The following YME1L1 variants were observed in gnomAD, a reference collection of about 807,000 sequenced individuals.
YME1L1 encodes the protein YME1 like 1 ATPase.
YME1L1 carries 39 observed loss-of-function variants against 90.4 expected under a neutral mutation model. The observed-to-expected ratio is 0.43, with a 90% confidence interval of 0.33 to 0.56. The LOEUF (loss-of-function observed/expected upper bound fraction) is 0.56. Ranked by LOEUF, YME1L1 falls within the 20% of genes least tolerant of loss-of-function variation. The probability of loss-of-function intolerance (pLI) is 0.03; values close to 1 mark genes in which losing one functional copy is unlikely to be tolerated. For synonymous variants in YME1L1, 284 were observed against 287.3 expected (o/e 0.99, Z 0.12); for missense variants, 617 against 868.4 (o/e 0.71, Z 3.64).
intron 1 of YME1L1, among the ~76,000 whole-genome samples, chr10:27,152,975 C>T (rs1259143229): frequency 1.3e-5 from 2 of 152,164 alleles, no homozygotes; most frequent in Non-Finnish European, 2.9e-5. Context: ...CATAATATAT[C>T]CTTTACTCCC....
chr10:27,149,329 G>A (rs2057182231), intron 1 of YME1L1, among the ~76,000 whole-genome samples: 1 of 152,154 alleles, frequency 6.6e-6, no homozygotes, highest in Admixed American at 6.5e-5. Flanking sequence ...ACAAGTACTT[G>A]CACATGCATA....
At chr10:27,122,164 C>T (rs2056874259) in intron 11 of YME1L1, among the ~76,000 whole-genome samples, 1 of 152,186 alleles carries the variant, frequency 6.6e-6, no homozygotes, top group African/African-American at 2.4e-5. Flanking sequence ...AGCCACCATG[C>T]CCAGCTTCAT....
At chr10:27,125,554 C>T (rs1299498415) in intron 9 of YME1L1, among the ~76,000 whole-genome samples, 1 of 150,392 alleles carries the variant, frequency 6.6e-6, no homozygotes, top group Non-Finnish European at 1.5e-5. Flanking sequence ...CAGGGCAACA[C>T]TACAAAGGAT....
chr10:27,126,438 T>C (rs189092333), intron 9 of YME1L1, among the ~76,000 whole-genome samples: 4 of 152,086 alleles, frequency 2.6e-5, no homozygotes, highest in Admixed American at 2.6e-4. Context: ...TAAAAATTTG[T>C]GAGTCTAGGT....
At chr10:27,127,275 T>C (rs1032906679) in intron 8 of YME1L1, among the ~76,000 whole-genome samples, 9 of 152,218 alleles carry the variant, frequency 5.9e-5, no homozygotes, top group African/African-American at 2.2e-4. Flanking sequence ...TGAAAGTTAT[T>C]CTGATTAAAT....
chr10:27,146,036 G>T (rs12354721), intron 2 of YME1L1: 1,851 of 153,974 alleles, frequency 0.012, 22 homozygotes, highest in South Asian at 0.033. Context: ...GTAACTAACT[G>T]CAGGGTTACA....
intron 4 of YME1L1, among the ~76,000 whole-genome samples, chr10:27,141,686 T>C (rs987749509): frequency 5.3e-5 from 8 of 151,846 alleles, no homozygotes; most frequent in Non-Finnish European, 1.2e-4. Context: ...CTAATTTATC[T>C]AAAGGTTAAA....
chr10:27,120,781 C>A (rs1015929073), intron 12 of YME1L1, among the ~76,000 whole-genome samples: 1 of 152,106 alleles, frequency 6.6e-6, no homozygotes, highest in Admixed American at 6.5e-5. Context: ...GGTAGCCTAC[C>A]CCTCAGAAAC....
chr10:27,147,022 C>G (rs182660909), intron 2 of YME1L1: 1 of 219,070 alleles, frequency 4.6e-6, no homozygotes, highest in African/African-American at 2.3e-5. Context: ...ATGATCAAGG[C>G]GGCTTAGGGA....
chr10:27,113,056 C>CA (rs1477418021), intron 18 of YME1L1, among the ~76,000 whole-genome samples: 6 of 150,708 alleles, frequency 4.0e-5, no homozygotes, highest in African/African-American at 7.3e-5. Context: ...ATGCTCTCTA[C>CA]AAAAAATAAC....
At chr10:27,136,050 A>T (rs967985664) in intron 5 of YME1L1, among the ~76,000 whole-genome samples, 4 of 152,008 alleles carry the variant, frequency 2.6e-5, no homozygotes, top group African/African-American at 9.7e-5. Flanking sequence ...TACAGAGAAC[A>T]CCTCGACAGG....
chr10:27,132,775 GC>G (rs1400074849), intron 7 of YME1L1, among the ~76,000 whole-genome samples: 4 of 151,972 alleles, frequency 2.6e-5, no homozygotes, highest in Non-Finnish European at 4.4e-5. Context: ...AGCCAAGATT[GC>G]CCCACTGCAC....
At chr10:27,142,179 T>G (rs1057219946) in intron 4 of YME1L1, among the ~76,000 whole-genome samples, 1 of 152,140 alleles carries the variant, frequency 6.6e-6, no homozygotes, top group South Asian at 2.1e-4. Flanking sequence ...GTTTGATTTA[T>G]TGTGGCACTA....
At chr10:27,144,631 T>C (rs74667137) in intron 3 of YME1L1, among the ~76,000 whole-genome samples, 2,614 of 152,316 alleles carry the variant, frequency 0.017, 143 homozygotes, top group East Asian at 0.16. Context: ...ACAACTGTTT[T>C]TTTAATCAAT....
intron 18 of YME1L1, among the ~76,000 whole-genome samples, chr10:27,113,217 CTCAAAAAAAAAA>C (rs2056775619): frequency 1.6e-5 from 1 of 61,996 alleles, no homozygotes; most frequent in Non-Finnish European, 2.7e-5. Context: ...AAGATGCTGT[CTCAAAAAAAAAA>C]AAAAAAAAAA....
chr10:27,127,887 A>G (rs752190633), intron 8 of YME1L1, among the ~76,000 whole-genome samples: 1 of 152,228 alleles, frequency 6.6e-6, no homozygotes, highest in African/African-American at 2.4e-5. Context: ...CTGGTTTATT[A>G]AAAGAGAACT....
At chr10:27,120,669 G>A (rs934474372) in intron 12 of YME1L1, 122 bp from the exon 13 acceptor site, 1 of 650,708 alleles carries the variant, frequency 1.5e-6, no homozygotes, top group Non-Finnish European at 2.6e-6. Flanking sequence ...ATGGAGTTTT[G>A]TACATAAATA....
intron 4 of YME1L1, among the ~76,000 whole-genome samples, chr10:27,140,742 G>A (rs557688588): frequency 2.0e-5 from 3 of 152,316 alleles, no homozygotes; most frequent in Admixed American, 2.0e-4. Flanking sequence ...CTACCAAAGT[G>A]CTGGGATTAC....
chr10:27,148,946 T>C lies in YME1L1; in HGVS notation c.128A>G (p.His43Arg), dbSNP rs1253684258. ...CTCATGCTCAGGAACTACATCTCGA[T>C]GCTGGTTTTGAGAAACTGACACTCC... ...LSGVSVSQNQ[H>R]RDVVPEHEAP... The change falls in exon 2 of 19, where the codon CAT becomes CGT. Residue 43 changes from histidine to arginine, a missense_variant. By Grantham distance (29) the His-to-Arg change is conservative (BLOSUM62 0). Coordinates refer to ENST00000376016, the MANE Select transcript of YME1L1 (RefSeq NM_014263.4). The C allele has an allele frequency of 3.7e-6, 6 of 1,614,012 alleles. No individual in the cohort carries two copies. The Admixed American group carries it at 1.0e-4, about 27-fold the overall frequency.
Sources: gnomAD v4.1 joint callset for allele counts (sites outside exome capture counted in the v4.1 genomes callset) on GRCh38, gnomAD v4.1.1 for gene constraint, MANE v1.5 for transcripts, NCBI Gene and HGNC (gene_info 2026-07-23, HGNC 2026-07-21) for gene names.